Variants in TXNL1 observed in about 807,000 individuals in gnomAD.
TXNL1 encodes the protein thioredoxin like 1, also known as thioredoxin-like protein 1.
A neutral mutation model predicts 35.5 loss-of-function variants in TXNL1; 14 were observed. The ratio of observed to expected loss-of-function variants is 0.39; its 90% confidence interval spans 0.26 to 0.62. The LOEUF (loss-of-function observed/expected upper bound fraction) is 0.62, where lower values mean the gene tolerates loss of function less well. TXNL1 is among the 20% of genes least tolerant of loss of function. TXNL1 has a pLI of 0.47. For missense variants in TXNL1, 263 were observed against 349.7 expected, an observed-to-expected ratio of 0.75 and a Z score of 1.98; for synonymous variants, 110 against 115.5, an observed-to-expected ratio of 0.95 and a Z score of 0.31.
chr18:56,617,707 A>G (rs1239909357), intron 4 of TXNL1, among the ~76,000 whole-genome samples: 1 of 152,212 alleles, frequency 6.6e-6, no homozygotes, highest in East Asian at 1.9e-4. Flanking sequence ...GAAGGTATGG[A>G]AGTCAGGTTA....
rs1321662194 is a variant in TXNL1, at chr18:56,599,288, A to AC, written c.*3738_*3739insG. On this transcript the variant is annotated 3_prime_UTR_variant, in exon 8 of 8. Coordinates refer to ENST00000217515, the MANE Select transcript of TXNL1 (RefSeq NM_004786.3). Reference sequence around the variant, plus strand: ...ATAGTGCTGAGCATGTTAAAAAAAAAAAAAAACCTTATTGATCAAAAATAA... The same window carrying AC: ...ATAGTGCTGAGCATGTTAAAAAAAAACAAAAAACCTTATTGATCAAAAATAA... 1 of 152,036 alleles carries AC rather than the reference A, an allele frequency of 6.6e-6. No individual in the cohort carries two copies. The highest frequency in any genetic ancestry group is 2.4e-5 in the African/African-American group (1 of 41,396). 9.4% of individuals were successfully genotyped at this position (152,036 alleles called of 1,614,324 possible).
At chr18:56,615,801 T>C (rs1182683774) in intron 5 of TXNL1, among the ~76,000 whole-genome samples, 1 of 152,104 alleles carries the variant, frequency 6.6e-6, no homozygotes, top group Non-Finnish European at 1.5e-5. Flanking sequence ...TACCTAATAA[T>C]CTCACATTAT....
At chr18:56,618,591 T>C (rs186905769) in intron 3 of TXNL1, among the ~76,000 whole-genome samples, 414 of 152,012 alleles carry the variant, frequency 2.7e-3, no homozygotes, top group Non-Finnish European at 4.6e-3. Flanking sequence ...GTAAATCCCA[T>C]GTATCCACCA....
chr18:56,623,101 T>G (rs1478938288), intron 3 of TXNL1, among the ~76,000 whole-genome samples: 1 of 152,162 alleles, frequency 6.6e-6, no homozygotes, highest in Non-Finnish European at 1.5e-5. Context: ...GACACAGATC[T>G]GCTTTAATAT....
intron 3 of TXNL1, among the ~76,000 whole-genome samples, chr18:56,623,425 CAAA>C (rs74182150): frequency 3.1e-5 from 3 of 96,924 alleles, no homozygotes; most frequent in African/African-American, 4.8e-5. Context: ...GACTCCGCCT[CAAA>C]AAAAAAAAAA....
At chr18:56,630,765 G>A (rs1321901215) in intron 1 of TXNL1, among the ~76,000 whole-genome samples, 1 of 152,096 alleles carries the variant, frequency 6.6e-6, no homozygotes, top group African/African-American at 2.4e-5. Context: ...AGCCATCAGA[G>A]GTTGGAACTT....
intron 3 of TXNL1, among the ~76,000 whole-genome samples, chr18:56,620,993 C>G (rs1340009276): frequency 4.6e-5 from 7 of 152,168 alleles, no homozygotes; most frequent in Admixed American, 4.6e-4. Context: ...GCATTATGAA[C>G]ATTTGCCTTA....
At chr18:56,607,161 T>TTGTGTGTGTGTGTGTGTGTGTGTGTG (rs112495608) in intron 7 of TXNL1, among the ~76,000 whole-genome samples, 1 of 137,526 alleles carries the variant, frequency 7.3e-6, no homozygotes, top group African/African-American at 2.7e-5. Context: ...CTGGGTAATT[T>TTGTGTGTGTGTGTGTGTGTGTGTGTG]TGTGTGTGTG....
intron 4 of TXNL1, 88 bp from the exon 5 acceptor site, chr18:56,616,402 G>GAAA: frequency 9.5e-7 from 1 of 1,055,566 alleles, no homozygotes; most frequent in Non-Finnish European, 1.3e-6. Flanking sequence ...TAACAGGCAA[G>GAAA]AAAAAAAAAA....
chr18:56,613,193 A>G (rs533723486), intron 6 of TXNL1, among the ~76,000 whole-genome samples: 97 of 152,326 alleles, frequency 6.4e-4, no homozygotes, highest in African/African-American at 2.3e-3. Flanking sequence ...TCTCAAAAAC[A>G]TTCTTAAATG....
rs1258009671 is a variant in TXNL1, at chr18:56,601,546, A to T, written c.*1481T>A. The T allele has an allele frequency of 6.6e-6, 1 of 150,792 alleles. No homozygotes were observed. The highest frequency in any genetic ancestry group is 2.1e-4 in the East Asian group (1 of 4,856). 9.3% of individuals were successfully genotyped at this position (150,792 alleles called of 1,614,324 possible). Reference sequence around the variant, plus strand: ...TGAGATGGTCTATTTAAGGAGTGTTAAGATCATCACAGACCAGTTAATGTG... The same window carrying T: ...TGAGATGGTCTATTTAAGGAGTGTTTAGATCATCACAGACCAGTTAATGTG... On this transcript the variant is annotated 3_prime_UTR_variant, in exon 8 of 8. Transcript: ENST00000217515.
rs181569469 is a variant in TXNL1 at position 56,611,836 on chromosome 18, A to G, written c.736-739T>C. 3.7e-3 allele frequency among the ~76,000 whole-genome samples: 414 copies of G among 113,420 alleles called. 8 individuals are homozygous for G. In the East Asian group the frequency reaches 0.048, roughly 13 times the overall value. The allele number at this position is 113,420 out of a possible 152,430, so 74.4% of individuals were successfully genotyped here. A position where few individuals can be genotyped will look rare whatever the true frequency, so the allele number is the denominator to read the frequency against. ...AGCCTCCTGAGTAGCCCACCAGCAC[A>G]CCCGGCTAATTTTTTTTTTTTTTTT... On this transcript the variant is annotated intron_variant, in intron 6 of 7. Transcript: ENST00000217515.
In TXNL1 at chr18:56,638,312, G is replaced by C. The variant is rs780008632; in HGVS notation, c.98+31C>G. On this transcript the variant is annotated intron_variant, in intron 1 of 7. Coordinates refer to ENST00000217515, the MANE Select transcript of TXNL1 (RefSeq NM_004786.3). Reference sequence around the variant, plus strand: ...GAAAGGAAAGCAAGGAAGGACAGACGGGGACCCACAGAGCTCGAGCCTGGC... The same window carrying C: ...GAAAGGAAAGCAAGGAAGGACAGACCGGGACCCACAGAGCTCGAGCCTGGC... 8.2e-6 allele frequency: 13 copies of C among 1,586,106 alleles called. No individual in the cohort carries two copies. In the African/African-American group the frequency reaches 1.5e-4, roughly 18 times the overall value.
intron 7 of TXNL1, among the ~76,000 whole-genome samples, chr18:56,606,371 C>T (rs1014744420): frequency 4.0e-5 from 6 of 151,616 alleles, no homozygotes; most frequent in Admixed American, 6.6e-5. Context: ...AGCAAGACTC[C>T]GTCTCAAAAA....
chr18:56,636,862 T>C (rs2024463535), intron 1 of TXNL1, among the ~76,000 whole-genome samples: 1 of 152,214 alleles, frequency 6.6e-6, no homozygotes, highest in African/African-American at 2.4e-5. Context: ...GGTTCCTTAT[T>C]GAAATCCTAT....
intron 1 of TXNL1, among the ~76,000 whole-genome samples, chr18:56,629,107 T>C (rs1464612856): frequency 6.6e-6 from 1 of 152,248 alleles, no homozygotes; most frequent in East Asian, 1.9e-4. Flanking sequence ...TGAAAGTCTA[T>C]TCCATTTTAA....
chr18:56,624,195 T>TAGAAGATGGAAACATAGTTATATTA, intron 3 of TXNL1, 93 bp downstream of exon 3: 1 of 1,341,442 alleles, frequency 7.5e-7, no homozygotes, highest in Non-Finnish European at 1.0e-6. Flanking sequence ...CAGTAAGAGA[T>TAGAAGATGGAAACATAGTTATATTA]AGAAGATGGA....
chr18:56,634,847 C>T (rs990887745), intron 1 of TXNL1, among the ~76,000 whole-genome samples: 6 of 152,098 alleles, frequency 3.9e-5, no homozygotes, highest in African/African-American at 1.2e-4. Flanking sequence ...CATCAAAGGA[C>T]ACCATCAAGA....
intron 1 of TXNL1, among the ~76,000 whole-genome samples, chr18:56,633,592 C>T (rs983875742): frequency 2.6e-4 from 37 of 143,862 alleles, no homozygotes; most frequent in African/African-American, 9.2e-4. Context: ...TGTACTGCAG[C>T]CTGAGCAACA....
Sources: gnomAD v4.1 joint callset for allele counts (sites outside exome capture counted in the v4.1 genomes callset) on GRCh38, gnomAD v4.1.1 for gene constraint, MANE v1.5 for transcripts, NCBI Gene and HGNC (gene_info 2026-07-23, HGNC 2026-07-21) for gene names.